The following RAD51B variants were observed in gnomAD, a reference collection of about 807,000 sequenced individuals.
RAD51B encodes the protein RAD51 paralog B.
A neutral mutation model predicts 42.2 loss-of-function variants in RAD51B; 38 were observed. The ratio of observed to expected loss-of-function variants is 0.90; its 90% CI spans 0.70 to 1.18. The LOEUF is 1.18. RAD51B is among the 50% of genes most tolerant of loss of function. The probability of loss-of-function intolerance (pLI) is 0.00; values close to 1 mark genes in which losing one functional copy is unlikely to be tolerated. For synonymous variants in RAD51B, 154 were observed against 145.2 expected, an observed-to-expected ratio of 1.06 and a Z score of -0.43; for missense variants, 373 against 400.7, an observed-to-expected ratio of 0.93 and a Z score of 0.59.
intron 8 of RAD51B, among the ~76,000 whole-genome samples, chr14:68,361,816 C>T (rs1232357206): frequency 1.3e-5 from 2 of 152,164 alleles, no homozygotes; most frequent in East Asian, 1.9e-4. Flanking sequence ...GCTGGGATTA[C>T]AGGCACCTGC....
At chr14:68,078,018 T>C (rs2076860860) in intron 7 of RAD51B, among the ~76,000 whole-genome samples, 1 of 152,172 alleles carries the variant, frequency 6.6e-6, no homozygotes, top group South Asian at 2.1e-4. Context: ...AGGTAAACAT[T>C]TTAAGTGTCT....
intron 7 of RAD51B, among the ~76,000 whole-genome samples, chr14:68,155,228 A>G (rs1031953432): frequency 1.2e-4 from 18 of 148,798 alleles, no homozygotes; most frequent in Middle Eastern, 3.5e-3. Flanking sequence ...GTCTCGCTCT[A>G]TTGCCCAGGC....
At chr14:68,497,116 T>C (rs1350205098) in intron 10 of RAD51B, 1 of 1,386,298 alleles carries the variant, frequency 7.2e-7, no homozygotes, top group Non-Finnish European at 9.7e-7. Flanking sequence ...TTCTTTTTCT[T>C]CTTGCAGCCT....
intron 10 of RAD51B, among the ~76,000 whole-genome samples, chr14:68,640,426 C>T (rs10147236): frequency 0.036 from 5,534 of 152,278 alleles, 337 homozygotes; most frequent in African/African-American, 0.12. Context: ...TAATCCACTT[C>T]GTAAGGTGCT....
intron 7 of RAD51B, among the ~76,000 whole-genome samples, chr14:67,989,707 G>T (rs1369184797): frequency 6.6e-6 from 1 of 151,656 alleles, no homozygotes; most frequent in Non-Finnish European, 1.5e-5. Flanking sequence ...GGGACAGTGG[G>T]TTGGGGGGCA....
Position 68,291,944 on chromosome 14 carries a change from C to G in RAD51B, c.817C>G (p.Leu273Val). The change falls in exon 8 of 11, where the codon CTG (leucine) becomes GTG (valine). Residue 273 changes from leucine to valine, a missense_variant. By Grantham distance (32) the Leu-to-Val change is conservative. Coordinates refer to ENST00000471583, the MANE Select transcript of RAD51B (RefSeq NM_133510.4). ...TGGAGCCCTGGCTTCTCAGGCAGAC[C>G]TGGTGTCTCCAGCTGATGATTTGTC... ...LSGALASQAD[L>V]VSPADDLSLS... 6.2e-7 allele frequency: 1 copy of G among 1,613,858 alleles called. No individual in the cohort carries two copies. The highest frequency in any genetic ancestry group is 1.7e-4 in the Middle Eastern group (1 of 6,058).
intron 4 of RAD51B, among the ~76,000 whole-genome samples, chr14:67,858,806 G>A (rs888687035): frequency 2.6e-5 from 4 of 152,142 alleles, no homozygotes; most frequent in Admixed American, 1.3e-4. Context: ...GCCTCCTGTC[G>A]CTATCATTAG....
intron 7 of RAD51B, among the ~76,000 whole-genome samples, chr14:67,969,782 A>G (rs1413223464): frequency 6.6e-6 from 1 of 152,192 alleles, no homozygotes; most frequent in Non-Finnish European, 1.5e-5. Context: ...TGATCATTTA[A>G]TGTTCAAAGT....
chr14:68,389,235 T>G (rs2083680717), intron 8 of RAD51B, among the ~76,000 whole-genome samples: 1 of 152,140 alleles, frequency 6.6e-6, no homozygotes, highest in Non-Finnish European at 1.5e-5. Context: ...AACATAACAT[T>G]AATAGCGCCC....
At chr14:68,504,158 TAC>T (rs949406567) in intron 10 of RAD51B, among the ~76,000 whole-genome samples, 4 of 151,830 alleles carry the variant, frequency 2.6e-5, no homozygotes, top group African/African-American at 9.7e-5. Context: ...GCAAGCAGAG[TAC>T]AGAGCTGGAT....
chr14:68,078,417 C>T (rs2076866313), intron 7 of RAD51B, among the ~76,000 whole-genome samples: 1 of 152,100 alleles, frequency 6.6e-6, no homozygotes, highest in South Asian at 2.1e-4. Flanking sequence ...GTCCTTTCTA[C>T]CAGCTGAGTG....
intron 8 of RAD51B, among the ~76,000 whole-genome samples, chr14:68,303,837 G>C (rs2081800542): frequency 6.6e-6 from 1 of 152,148 alleles, no homozygotes; most frequent in Non-Finnish European, 1.5e-5. Context: ...AACTCTGCTA[G>C]GATGTGAGAG....
intron 9 of RAD51B, among the ~76,000 whole-genome samples, chr14:68,436,364 G>T (rs1001894801): frequency 3.9e-5 from 6 of 152,244 alleles, no homozygotes; most frequent in Middle Eastern, 3.4e-3. Flanking sequence ...TCTCTATTCT[G>T]TTCCATTGGT....
At chr14:68,447,182 C>A (rs1448592929) in intron 9 of RAD51B, among the ~76,000 whole-genome samples, 1 of 152,192 alleles carries the variant, frequency 6.6e-6, no homozygotes, top group Non-Finnish European at 1.5e-5. Context: ...TGTGCTACTG[C>A]ACTCCAGCCT....
intron 7 of RAD51B, among the ~76,000 whole-genome samples, chr14:68,272,243 G>A (rs757251487): frequency 6.6e-6 from 1 of 152,030 alleles, no homozygotes; most frequent in Non-Finnish European, 1.5e-5. Flanking sequence ...GGTTTCATTG[G>A]CTTCCACTTC....
At chr14:68,525,286 T>C (rs1376699955) in intron 10 of RAD51B, among the ~76,000 whole-genome samples, 2 of 152,264 alleles carry the variant, frequency 1.3e-5, no homozygotes, top group South Asian at 4.1e-4. Flanking sequence ...AACATCGCCT[T>C]CCAGATGTCT....
At chr14:68,623,457 T>A (rs1478817042) in intron 10 of RAD51B, among the ~76,000 whole-genome samples, 2 of 152,190 alleles carry the variant, frequency 1.3e-5, no homozygotes, top group Non-Finnish European at 2.9e-5. Context: ...CCACATATAG[T>A]TTCACAGGCT....
intron 7 of RAD51B, among the ~76,000 whole-genome samples, chr14:67,954,256 A>G (rs958574177): frequency 2.0e-5 from 3 of 152,188 alleles, no homozygotes; most frequent in Non-Finnish European, 4.4e-5. Context: ...AAGATTATAT[A>G]TACTATTCCT....
At chr14:68,293,806 G>A (rs902442161) in intron 8 of RAD51B, among the ~76,000 whole-genome samples, 1 of 152,090 alleles carries the variant, frequency 6.6e-6, no homozygotes, top group Non-Finnish European at 1.5e-5. Flanking sequence ...ATGTTTTTCT[G>A]CCTAAATTGG....
Sources: gnomAD v4.1 joint callset for allele counts (sites outside exome capture counted in the v4.1 genomes callset) on GRCh38, gnomAD v4.1.1 for gene constraint, MANE v1.5 for transcripts, NCBI Gene and HGNC (gene_info 2026-07-23, HGNC 2026-07-21) for gene names.